EPHB1: variants seen among roughly 807,000 people sequenced by gnomAD.
The protein encoded by EPHB1 is ephrin type-B receptor 1.
In EPHB1, 30 loss-of-function variants were observed where a neutral mutation model predicts 94.4. The ratio of observed to expected loss-of-function variants is 0.32; its 90% CI spans 0.24 to 0.43. EPHB1 has a LOEUF of 0.43. EPHB1 is among the 20% of genes least tolerant of loss of function. The probability of loss-of-function intolerance (pLI) is 1.00; values close to 1 mark genes in which losing one functional copy is unlikely to be tolerated. For missense variants in EPHB1, 1,055 were observed against 1,308.3 expected, an observed-to-expected ratio of 0.81 and a Z score of 2.99; for synonymous variants, 522 against 489.1, an observed-to-expected ratio of 1.07 and a Z score of -0.89.
chr3:134,948,030 G>A (rs2039246071), intron 2 of EPHB1, among the ~76,000 whole-genome samples: 1 of 152,150 alleles, frequency 6.6e-6, no homozygotes, highest in Non-Finnish European at 1.5e-5. Flanking sequence ...CTGGGCTCAA[G>A]CCATCCTCCC....
At chr3:135,224,218 T>G (rs911569362) in intron 12 of EPHB1, among the ~76,000 whole-genome samples, 12 of 152,348 alleles carry the variant, frequency 7.9e-5, no homozygotes, top group African/African-American at 2.9e-4. Context: ...TAACAACATG[T>G]TTCTCAGAAT....
chr3:135,258,984 G>C (rs768624046), intron 15 of EPHB1, 28 bp from the exon 16 acceptor site: 2 of 1,547,146 alleles, frequency 1.3e-6, no homozygotes, highest in East Asian at 4.6e-5. Flanking sequence ...ACACTAAAGT[G>C]ACTTCTTTTC....
intron 3 of EPHB1, among the ~76,000 whole-genome samples, chr3:135,042,932 C>T (rs1417641998): frequency 7.9e-5 from 12 of 152,164 alleles, no homozygotes; most frequent in Non-Finnish European, 2.9e-5. Context: ...ACCTCCACCT[C>T]CCAGGTTCAA....
At chr3:135,054,787 T>A (rs1246945578) in intron 3 of EPHB1, among the ~76,000 whole-genome samples, 1 of 152,246 alleles carries the variant, frequency 6.6e-6, no homozygotes, top group Non-Finnish European at 1.5e-5. Context: ...ATTATAGACT[T>A]AGCTTTTTTG....
At chr3:135,106,334 G>A in intron 3 of EPHB1, 114 bp from the exon 4 acceptor site, 1 of 1,165,262 alleles carries the variant, frequency 8.6e-7, no homozygotes, top group South Asian at 1.4e-5. Flanking sequence ...CTTGGTACGA[G>A]AGGGGCATCT....
intron 3 of EPHB1, among the ~76,000 whole-genome samples, chr3:135,033,651 G>A (rs1044209554): frequency 6.6e-5 from 10 of 152,204 alleles, no homozygotes; most frequent in Admixed American, 2.6e-4. Context: ...GATCGCCTCC[G>A]AGGAAGATGG....
chr3:134,905,869 G>A (rs2038313613), intron 1 of EPHB1, among the ~76,000 whole-genome samples: 1 of 152,172 alleles, frequency 6.6e-6, no homozygotes, highest in African/African-American at 2.4e-5. Flanking sequence ...CTTGCTGTTG[G>A]CTTCCCTTCT....
intron 1 of EPHB1, among the ~76,000 whole-genome samples, chr3:134,836,807 T>C (rs188344255): frequency 6.6e-6 from 1 of 152,396 alleles, no homozygotes; most frequent in East Asian, 1.9e-4. Context: ...TTCTTCTTCC[T>C]GTTAATTCAT....
At chr3:134,832,072 TTAG>T (rs2036591637) in intron 1 of EPHB1, among the ~76,000 whole-genome samples, 1 of 152,220 alleles carries the variant, frequency 6.6e-6, no homozygotes, top group African/African-American at 2.4e-5. Flanking sequence ...TAGATACTTT[TTAG>T]TTTTAGGTAT....
chr3:134,810,579 T>C (rs2036152312), intron 1 of EPHB1, among the ~76,000 whole-genome samples: 1 of 152,200 alleles, frequency 6.6e-6, no homozygotes, highest in African/African-American at 2.4e-5. Context: ...AATTATAGTA[T>C]TGTCATAATG....
At chr3:135,194,107 C>G (rs1017610994) in intron 11 of EPHB1, among the ~76,000 whole-genome samples, 23 of 152,166 alleles carry the variant, frequency 1.5e-4, no homozygotes, top group African/African-American at 5.5e-4. Context: ...GTGACCCAGC[C>G]TAGGAAGGCA....
rs189899114 is a variant in EPHB1, at chr3:134,919,515, A to G, written c.59-6301A>G. Among the ~76,000 whole-genome samples, 31 of 152,314 alleles carry G rather than the reference A, an allele frequency of 2.0e-4. No homozygotes were observed. In the East Asian group the frequency reaches 5.2e-3, roughly 26 times the overall value. On this transcript the variant is annotated intron_variant, in intron 1 of 15. Transcript: ENST00000398015. ...AGATTACAGGGAGACCAGCCTGTAC[A>G]GGCAGCAGGAGGTCCGGACATGGTG...
rs1018424148 is a variant in EPHB1 at position 135,259,121 on chromosome 3, G to T, written c.*1G>T. 5.6e-6 allele frequency: 9 copies of T among 1,603,638 alleles called. No individual in the cohort carries two copies. Among genetic ancestry groups the T allele is most frequent in the Non-Finnish European group, 7.7e-6 (9 of 1,174,642 alleles). On this transcript the variant is annotated 3_prime_UTR_variant, in exon 16 of 16. Transcript: ENST00000398015. ...TCAGTCACCAACGGCAATGGCATGA[G>T]AACTCTTGTTTCTTGGGGAAGGAGA...
At chr3:134,939,645 G>A (rs1219272925) in intron 2 of EPHB1, among the ~76,000 whole-genome samples, 1 of 152,136 alleles carries the variant, frequency 6.6e-6, no homozygotes, top group Non-Finnish European at 1.5e-5. Flanking sequence ...CGGGAGCTTT[G>A]TCCTTGGGGT....
chr3:135,253,531 G>A lies in EPHB1; in HGVS notation c.2846+4040G>A, dbSNP rs1486427123. ...AAAGATCAGATAGTCGTAGATATGC[G>A]GCATTATTTCTGAGGGCTCTGTTCT... is the stretch of plus-strand genomic sequence containing the variant. On this transcript the variant is annotated intron_variant, in intron 15 of 15. Transcript: ENST00000398015. Among the ~76,000 whole-genome samples, 74 of 151,518 alleles carry A rather than the reference G, an allele frequency of 4.9e-4. 1 individual carries two copies. The highest frequency in any genetic ancestry group is 2.1e-4 in the Non-Finnish European group (14 of 67,972).
intron 1 of EPHB1, among the ~76,000 whole-genome samples, chr3:134,867,617 C>T (rs887493517): frequency 6.6e-6 from 1 of 152,190 alleles, no homozygotes; most frequent in African/African-American, 2.4e-5. Context: ...AGAAGACAGA[C>T]ATGACTCCAG....
At chr3:134,848,480 G>C (rs936072307) in intron 1 of EPHB1, among the ~76,000 whole-genome samples, 30 of 152,178 alleles carry the variant, frequency 2.0e-4, no homozygotes, top group African/African-American at 6.8e-4. Flanking sequence ...TAATCAAGAC[G>C]ATAACTTTAA....
At position 135,230,919 on chromosome 3, in the gene EPHB1, A is replaced by G. The variant is rs192467756; in HGVS notation, c.2347-10229A>G. 3.9e-5 allele frequency among the ~76,000 whole-genome samples: 6 copies of G among 152,340 alleles called. No individual in the cohort carries two copies. In the East Asian group the frequency reaches 7.7e-4, roughly 20 times the overall value. On this transcript the variant is annotated intron_variant, in intron 12 of 15. Transcript: ENST00000398015. ...TCATTTCTTTCTTTTCTATGGCTGCATAGTATTCCATGGTGTACATGTACC... is the reference window on the plus strand; with the variant it reads ...TCATTTCTTTCTTTTCTATGGCTGCGTAGTATTCCATGGTGTACATGTACC...
intron 3 of EPHB1, among the ~76,000 whole-genome samples, chr3:135,023,374 C>A (rs971376190): frequency 6.6e-6 from 1 of 152,096 alleles, no homozygotes; most frequent in African/African-American, 2.4e-5. Context: ...GGGGAGCTGT[C>A]CTGTGCATTG....
Sources: gnomAD v4.1 joint callset for allele counts (sites outside exome capture counted in the v4.1 genomes callset) on GRCh38, gnomAD v4.1.1 for gene constraint, MANE v1.5 for transcripts, NCBI Gene and HGNC (gene_info 2026-07-23, HGNC 2026-07-21) for gene names.